NRDE2: variants seen among roughly 807,000 people sequenced by gnomAD.
NRDE2 encodes NRDE-2, necessary for RNA interference, domain containing.
Under a neutral mutation model 124.2 loss-of-function variants are expected in NRDE2, and 76 were observed. That is an observed-to-expected ratio of 0.61 (90% CI 0.51 to 0.74). NRDE2 has a LOEUF of 0.74. Ranked by LOEUF, NRDE2 falls within the 30% of genes least tolerant of loss-of-function variation. NRDE2 has a pLI of 0.00. For missense variants in NRDE2, 1,314 were observed against 1,417.3 expected, an observed-to-expected ratio of 0.93 and a Z score of 1.17; for synonymous variants, 489 against 528.1, an observed-to-expected ratio of 0.93 and a Z score of 1.01.
intron 11 of NRDE2, 143 bp from the exon 12 acceptor site, chr14:90,286,635 G>C (rs925493283): frequency 1.9e-6 from 2 of 1,038,492 alleles, no homozygotes; most frequent in East Asian, 5.4e-5. Context: ...GGCGTAGAGC[G>C]CTGTGTATGG....
intron 11 of NRDE2, among the ~76,000 whole-genome samples, chr14:90,287,575 T>C (rs1892142845): frequency 6.6e-6 from 1 of 152,052 alleles, no homozygotes; most frequent in Non-Finnish European, 1.5e-5. Context: ...GAGCTGAGAC[T>C]GCACCACTGC....
At chr14:90,285,061 T>C (rs773152131) in intron 12 of NRDE2, among the ~76,000 whole-genome samples, 12 of 151,944 alleles carry the variant, frequency 7.9e-5, no homozygotes, top group Non-Finnish European at 1.6e-4. Context: ...GGCGGATCAC[T>C]TGAGGTCAGG....
At chr14:90,291,056 C>T (rs1295554159) in intron 9 of NRDE2, among the ~76,000 whole-genome samples, 7 of 152,004 alleles carry the variant, frequency 4.6e-5, no homozygotes, top group Admixed American at 4.6e-4. Flanking sequence ...AAAATTGCTC[C>T]AAGAAATGAA....
intron 1 of NRDE2, among the ~76,000 whole-genome samples, chr14:90,326,923 T>C (rs189472274): frequency 1.9e-4 from 29 of 152,336 alleles, no homozygotes; most frequent in Admixed American, 1.8e-3. Flanking sequence ...ACATTAATAC[T>C]GTTATTTTGA....
rs776517126 is a variant in NRDE2, at chr14:90,304,387, T to C, written c.558-5A>G. On this transcript the variant is annotated splice_polypyrimidine_tract_variant and splice_region_variant and intron_variant, in intron 4 of 13. Transcript: ENST00000354366. Reference sequence around the variant, plus strand: ...GAGTCTCCTTTCCTCTTGTATCTGATATTAGAAAAAGAAAAAAAGTTACTG... The same window carrying C: ...GAGTCTCCTTTCCTCTTGTATCTGACATTAGAAAAAGAAAAAAAGTTACTG... 20 of 1,576,754 alleles carry C rather than the reference T, an allele frequency of 1.3e-5. 1 individual carries two copies. In the South Asian group the frequency reaches 1.7e-4, roughly 14 times the overall value.
At chr14:90,283,914 T>C (rs565066050) in intron 12 of NRDE2, among the ~76,000 whole-genome samples, 22 of 152,186 alleles carry the variant, frequency 1.4e-4, no homozygotes, top group African/African-American at 5.1e-4. Context: ...CGTTTCACCG[T>C]GTTAGCCAAG....
At chr14:90,285,691 G>C (rs1185523404) in intron 12 of NRDE2, among the ~76,000 whole-genome samples, 1 of 152,016 alleles carries the variant, frequency 6.6e-6, no homozygotes, top group Non-Finnish European at 1.5e-5. Context: ...GGAGTGCAGT[G>C]GTGTGATCAT....
At chr14:90,281,874 T>TA (rs968580149) in intron 12 of NRDE2, among the ~76,000 whole-genome samples, 5 of 152,224 alleles carry the variant, frequency 3.3e-5, no homozygotes, top group African/African-American at 1.2e-4. Flanking sequence ...TTTATTGGTT[T>TA]ATCTCTGATA....
intron 1 of NRDE2, among the ~76,000 whole-genome samples, chr14:90,330,668 C>T (rs549643744): frequency 6.6e-6 from 1 of 152,042 alleles, no homozygotes; most frequent in South Asian, 2.1e-4. Flanking sequence ...AAAAAATTAG[C>T]CAGGCCTGGT....
chr14:90,274,543 A>T lies in NRDE2; in HGVS notation c.*3793T>A, dbSNP rs1891751810. 7.8e-6 allele frequency: 1 copy of T among 128,706 alleles called. No homozygotes were observed. The highest frequency in any genetic ancestry group is 7.7e-5 in the Admixed American group (1 of 12,908). The allele number at this position is 128,706 out of a possible 1,614,324, so 8.0% of individuals were successfully genotyped here. On this transcript the variant is annotated 3_prime_UTR_variant, in exon 14 of 14. Coordinates refer to ENST00000354366, the MANE Select transcript of NRDE2 (RefSeq NM_017970.4). ...CCCTAGACCCAGACCTTTGCTGCTA[A>T]AAGTATTATTCTCCACTAAAAGGAG... is the stretch of plus-strand genomic sequence containing the variant.
intron 1 of NRDE2, 105 bp from the exon 2 acceptor site, chr14:90,318,218 C>A: frequency 1.2e-6 from 1 of 831,336 alleles, no homozygotes; most frequent in South Asian, 1.7e-5. Flanking sequence ...ACAGCCAATG[C>A]CAGCCAGACG....
At position 90,274,825 on chromosome 14, in the gene NRDE2, CACACACACA is replaced by C. The variant is rs1566678085; in HGVS notation, c.*3502_*3510del. On this transcript the variant is annotated 3_prime_UTR_variant, in exon 14 of 14. Coordinates refer to ENST00000354366, the MANE Select transcript of NRDE2 (RefSeq NM_017970.4). The stretch of plus-strand genomic sequence containing the variant: ...ACACACACACACACACACACACACA[CACACACACA>C]CACACCCCAATACATATGAATTGAT... 8.7e-5 allele frequency: 8 copies of C among 91,864 alleles called. No homozygotes were observed. In the East Asian group the frequency reaches 1.1e-3, roughly 12 times the overall value. The allele number at this position is 91,864 out of a possible 1,614,324, so 5.7% of individuals were successfully genotyped here.
At position 90,269,532 on chromosome 14, in the gene NRDE2, A is replaced by C; in HGVS notation, c.*8804T>G. The stretch of plus-strand genomic sequence containing the variant: ...CAAACCGAATAGAAACTTTGGATCC[A>C]GCACTTATCAGACCAGGTTAAATTT... On this transcript the variant is annotated 3_prime_UTR_variant, in exon 14 of 14. Coordinates refer to ENST00000354366, the MANE Select transcript of NRDE2 (RefSeq NM_017970.4). 1 of 1,613,900 alleles carries C rather than the reference A, an allele frequency of 6.2e-7. No homozygotes were observed. Among genetic ancestry groups the C allele is most frequent in the Non-Finnish European group, 8.5e-7 (1 of 1,179,918 alleles).
intron 12 of NRDE2, among the ~76,000 whole-genome samples, chr14:90,285,356 G>C (rs1465576455): frequency 1.5e-5 from 2 of 132,842 alleles, no homozygotes; most frequent in Admixed American, 8.4e-5. Flanking sequence ...GGCTGGAGTA[G>C]AGTGGCATGA....
chr14:90,288,683 C>T lies in NRDE2; in HGVS notation c.2692G>A (p.Asp898Asn), dbSNP rs183000861. The T allele has an allele frequency of 8.4e-5, 136 of 1,614,182 alleles. No homozygotes were observed. In the East Asian group the frequency reaches 2.2e-3, roughly 26 times the overall value. ...AGGCTAATTAGGCGGCTACAGGAATCGGTGGGAGCTGGATTGGAGACACAG... is the reference window on the plus strand; with the variant it reads ...AGGCTAATTAGGCGGCTACAGGAATTGGTGGGAGCTGGATTGGAGACACAG... ...DSCVSNPAPT[D>N]SCSRLISLAK... Residue 898 changes from aspartate (D) to asparagine (N), a missense_variant, in exon 11 of 14, where the codon GAT (aspartate) becomes AAT (asparagine). By Grantham distance (23) the Asp-to-Asn change is conservative. Transcript: ENST00000354366.
chr14:90,301,245 T>C lies in NRDE2; in HGVS notation c.1539A>G (p.Lys513=), dbSNP rs752675187. 11 of 1,613,484 alleles carry C rather than the reference T, an allele frequency of 6.8e-6. No individual in the cohort carries two copies. Among genetic ancestry groups the C allele is most frequent in the Non-Finnish European group, 9.3e-6 (11 of 1,179,654 alleles). Residue 513 remains lysine (K), a synonymous_variant, in exon 7 of 14, where the codon AAA becomes AAG. Coordinates refer to ENST00000354366, the MANE Select transcript of NRDE2 (RefSeq NM_017970.4). The stretch of plus-strand genomic sequence containing the variant: ...GGCGAGCAGAGCTGGGTACCTGTCC[T>C]TTGGTAGGCAGATCTTTCACGCTGT... ...KPDSVKDLPT[K]GQVEFFEPFW... is the part of the protein sequence containing the mutation.
intron 1 of NRDE2, among the ~76,000 whole-genome samples, chr14:90,330,664 T>G (rs945564947): frequency 5.9e-5 from 9 of 151,906 alleles, no homozygotes; most frequent in African/African-American, 2.2e-4. Flanking sequence ...TTAAAAAAAA[T>G]TAGCCAGGCC....
rs1309677230 is a variant in NRDE2, at chr14:90,303,123, G to A, written c.1008C>T (p.Asp336=). 8 of 1,604,770 alleles carry A rather than the reference G, an allele frequency of 5.0e-6. No individual in the cohort carries two copies. Among genetic ancestry groups the A allele is most frequent in the East Asian group, 4.5e-5 (2 of 44,740 alleles). The change falls in exon 6 of 14, where the codon GAC becomes GAT. Residue 336 remains aspartate (D), a splice_region_variant and synonymous_variant. Coordinates refer to ENST00000354366, the MANE Select transcript of NRDE2 (RefSeq NM_017970.4). The stretch of plus-strand genomic sequence containing the variant: ...ACAGGCCAGGACTTTTCATGACCTC[G>A]TCCTCAACAACAAAAACACCAATTT... ...QLWMAFVAFQ[D]EVMKSPGLYA...
At chr14:90,324,743 A>T (rs542744307) in intron 1 of NRDE2, among the ~76,000 whole-genome samples, 1 of 151,840 alleles carries the variant, frequency 6.6e-6, no homozygotes, top group South Asian at 2.1e-4. Flanking sequence ...TGACTCTGTG[A>T]CTTACTAACC....
Sources: gnomAD v4.1 joint callset for allele counts (sites outside exome capture counted in the v4.1 genomes callset) on GRCh38, gnomAD v4.1.1 for gene constraint, MANE v1.5 for transcripts, NCBI Gene and HGNC (gene_info 2026-07-23, HGNC 2026-07-21) for gene names.